ABCC6: variants seen among roughly 807,000 people sequenced by gnomAD.
The protein encoded by ABCC6 is ATP binding cassette subfamily C member 6, also known as ATP-binding cassette sub-family C member 6.
In ABCC6, 126 loss-of-function variants were observed where a neutral mutation model predicts 169.5. The observed-to-expected ratio is 0.74, with a 90% CI of 0.64 to 0.86. The LOEUF (loss-of-function observed/expected upper bound fraction) is 0.86. Ranked by LOEUF, ABCC6 falls within the 40% of genes least tolerant of loss-of-function variation. The pLI, the probability that ABCC6 is intolerant of heterozygous loss-of-function variation, is 0.00. For synonymous variants in ABCC6, 752 were observed against 814.7 expected, an observed-to-expected ratio of 0.92 and a Z score of 1.31; for missense variants, 1,733 against 1,927.2, an observed-to-expected ratio of 0.90 and a Z score of 1.89.
Position 16,150,039 on chromosome 16 carries a change from C to G in ABCC6, c.*94G>C, listed in dbSNP as rs1292865370. 6 of 1,538,156 alleles carry G rather than the reference C, an allele frequency of 3.9e-6. No homozygotes were observed. ...GCAAACACAGGTCTAGACTCAATATCGTGTGGAGCTATCGATGACCACGGG... is the reference window on the plus strand; with the variant it reads ...GCAAACACAGGTCTAGACTCAATATGGTGTGGAGCTATCGATGACCACGGG... On this transcript the variant is annotated 3_prime_UTR_variant, in exon 31 of 31. Transcript: ENST00000205557.
intron 4 of ABCC6, among the ~76,000 whole-genome samples, chr16:16,219,059 C>CAA (rs545447445): frequency 0.015 from 156 of 10,368 alleles, 19 homozygotes; most frequent in Non-Finnish European, 0.019. Flanking sequence ...GCAAGCCTCT[C>CAA]AAAAAAAAAA....
chr16:16,207,235 T>G (rs1047812818), intron 7 of ABCC6, among the ~76,000 whole-genome samples: 4 of 152,224 alleles, frequency 2.6e-5, no homozygotes, highest in African/African-American at 9.6e-5. Flanking sequence ...CCCACTTCTG[T>G]GGCTCTGAAG....
chr16:16,173,131 G>A, intron 21 of ABCC6, 153 bp downstream of exon 21: 1 of 960,284 alleles, frequency 1.0e-6, no homozygotes, highest in Non-Finnish European at 1.6e-6. Context: ...TGGTTGTGAG[G>A]ATTAAGAAAA....
intron 4 of ABCC6, among the ~76,000 whole-genome samples, chr16:16,216,223 C>A (rs897304698): frequency 6.6e-6 from 1 of 152,166 alleles, no homozygotes; most frequent in African/African-American, 2.4e-5. Context: ...TGTCCAGCCT[C>A]TTTTAGTTAT....
intron 6 of ABCC6, among the ~76,000 whole-genome samples, chr16:16,209,520 C>T (rs1321074493): frequency 6.6e-6 from 1 of 152,012 alleles, no homozygotes; most frequent in Non-Finnish European, 1.5e-5. Flanking sequence ...GGGAAACAGA[C>T]ATTTCCCTGG....
intron 6 of ABCC6, among the ~76,000 whole-genome samples, chr16:16,210,381 C>T (rs1370401300): frequency 6.6e-6 from 1 of 152,060 alleles, no homozygotes; most frequent in Non-Finnish European, 1.5e-5. Flanking sequence ...AGGTGATCCA[C>T]CTGCCTCAGC....
chr16:16,185,575 G>A (rs1350932534), intron 14 of ABCC6, among the ~76,000 whole-genome samples: 1 of 152,148 alleles, frequency 6.6e-6, no homozygotes, highest in Admixed American at 6.6e-5. Context: ...CTTGAGGTCA[G>A]GAGTTTGAGA....
At chr16:16,201,000 T>C (rs1409021876) in intron 9 of ABCC6, among the ~76,000 whole-genome samples, 2 of 152,084 alleles carry the variant, frequency 1.3e-5, no homozygotes, top group Non-Finnish European at 2.9e-5. Context: ...GAGGTCTCGC[T>C]CTCTTACCCA....
chr16:16,198,167 T>C lies in ABCC6; in HGVS notation c.1192A>G (p.Ser398Gly), dbSNP rs72653764. Residue 398 changes from serine to glycine, a missense_variant, in exon 10 of 31, where the codon AGC (serine) becomes GGC (glycine). By Grantham distance (56) the Ser-to-Gly change is moderately conservative. This residue lies in a region of ABCC6 where 1,601 missense variants were observed against 1,635.5 expected (regional missense o/e 0.98). Coordinates refer to ENST00000205557, the MANE Select transcript of ABCC6 (RefSeq NM_001171.6). ...LVYRKVLALSSGSRKASAVGD... is the reference protein window; with the variant it reads ...LVYRKVLALSGGSRKASAVGD... ...ACCGCACTGGCCTTTCTGGAGCCGC[T>C]GGACAGAGCCAGGACCTGGCGGGTG... The C allele has an allele frequency of 3.7e-6, 6 of 1,603,710 alleles. No individual in the cohort carries two copies. The highest frequency in any genetic ancestry group is 5.1e-6 in the Non-Finnish European group (6 of 1,175,008).
chr16:16,178,732 G>A, intron 18 of ABCC6, 66 bp downstream of exon 18: 2 of 1,589,486 alleles, frequency 1.3e-6, no homozygotes, highest in Non-Finnish European at 8.6e-7. Context: ...ACTTGGGTTA[G>A]GACTGGATGC....
Position 16,162,973 on chromosome 16 carries a change from T to C in ABCC6, c.3506+20A>G, listed in dbSNP as rs1471090780. 9.9e-6 allele frequency: 16 copies of C among 1,613,968 alleles called. No homozygotes were observed. Among genetic ancestry groups the C allele is most frequent in the Non-Finnish European group, 1.4e-5 (16 of 1,179,954 alleles). ...GATATGGATGAATTGCAAGGTCTTC[T>C]CTGCCCTGGCTCTTCCTACCTGTCA... On this transcript the variant is annotated intron_variant, in intron 24 of 30. Coordinates refer to ENST00000205557, the MANE Select transcript of ABCC6 (RefSeq NM_001171.6).
intron 16 of ABCC6, 82 bp from the exon 17 acceptor site, chr16:16,182,670 T>C: frequency 6.3e-7 from 1 of 1,590,470 alleles, no homozygotes; most frequent in Non-Finnish European, 8.6e-7. Flanking sequence ...GGAGCTGGGC[T>C]CTCAGTGGTG....
intron 24 of ABCC6, 78 bp downstream of exon 24, chr16:16,162,915 C>T: frequency 6.3e-7 from 1 of 1,586,846 alleles, no homozygotes; most frequent in African/African-American, 1.3e-5. Flanking sequence ...ACCTCTCTAC[C>T]ATACAATATG....
rs138405018 is a variant in ABCC6, at chr16:16,168,111, C to T, written c.2995+1535G>A. Among the ~76,000 whole-genome samples, 1,040 of 152,086 alleles carry T rather than the reference C, an allele frequency of 6.8e-3. 9 individuals are homozygous for T. Among genetic ancestry groups the T allele is most frequent in the African/African-American group, 0.024 (989 of 41,462 alleles). On this transcript the variant is annotated intron_variant, in intron 22 of 30. Transcript: ENST00000205557. ...GCGCCCCCTATTTTACAGGGGAGGT[C>T]ACAGGCTCACAGCATTTTGGTGATG... is the stretch of plus-strand genomic sequence containing the variant.
At chr16:16,167,376 C>A (rs886237493) in intron 22 of ABCC6, among the ~76,000 whole-genome samples, 2 of 152,186 alleles carry the variant, frequency 1.3e-5, no homozygotes, top group Non-Finnish European at 2.9e-5. Flanking sequence ...CTTGTTTGGA[C>A]CCCTACATCC....
At chr16:16,182,340 T>C in intron 17 of ABCC6, 72 bp downstream of exon 17, 1 of 1,575,802 alleles carries the variant, frequency 6.3e-7, no homozygotes, top group Admixed American at 1.7e-5. Context: ...ATACTGCCCA[T>C]GATGAGTCGG....
chr16:16,190,059 A>G, intron 12 of ABCC6, 105 bp downstream of exon 12: 1 of 1,227,370 alleles, frequency 8.1e-7, no homozygotes, highest in Non-Finnish European at 1.2e-6. Flanking sequence ...GTGGGTTTTG[A>G]TGGACGGGGT....
In ABCC6 at chr16:16,163,047, T is replaced by C; in HGVS notation, c.3452A>G (p.Asn1151Ser). The C allele has an allele frequency of 6.2e-7, 1 of 1,614,064 alleles. No individual in the cohort carries two copies. Among genetic ancestry groups the C allele is most frequent in the Non-Finnish European group, 8.5e-7 (1 of 1,180,038 alleles). ...RTQAPFVAQNNARVDESQRIS... is the reference protein window; with the variant it reads ...RTQAPFVAQNSARVDESQRIS... ...CCTCTGGCTTTCATCTACGCGAGCA[T>C]TGTTCTGAGCCACAAAGGGGGCCTG... The change falls in exon 24 of 31, where the codon AAT becomes AGT. Residue 1151 changes from asparagine to serine, a missense_variant. Transcript: ENST00000205557.
At chr16:16,167,139 A>G (rs1273165170) in intron 22 of ABCC6, among the ~76,000 whole-genome samples, 1 of 152,130 alleles carries the variant, frequency 6.6e-6, no homozygotes, top group African/African-American at 2.4e-5. Flanking sequence ...GGGTGGGGCA[A>G]ATTTCACCCA....
Sources: allele counts gnomAD v4.1 joint callset (sites outside exome capture counted in the v4.1 genomes callset), GRCh38; gene constraint gnomAD v4.1.1; regional missense constraint gnomAD v4.1.1; transcripts MANE v1.5; gene names NCBI Gene and HGNC (gene_info 2026-07-23, HGNC 2026-07-21).